CUTC: variants seen among roughly 807,000 people sequenced by gnomAD.
The protein encoded by CUTC is cutC copper transporter.
In CUTC, 27 loss-of-function variants were observed where a neutral mutation model predicts 36.2. The observed-to-expected ratio is 0.75, with a 90% CI of 0.55 to 1.03. The LOEUF is 1.03. Ranked by LOEUF, CUTC falls within the 50% of genes least tolerant of loss-of-function variation. The pLI is 0.00. For synonymous variants in CUTC, 114 were observed against 118.3 expected (o/e 0.96, Z 0.24); for missense variants, 315 against 343.5 (o/e 0.92, Z 0.66).
At chr10:99,733,315 AT>A (rs1242894999) in intron 1 of CUTC, among the ~76,000 whole-genome samples, 2 of 150,652 alleles carry the variant, frequency 1.3e-5, no homozygotes, top group African/African-American at 2.4e-5. Context: ...TCTCAAAAAA[AT>A]AAAAATAAAA....
At chr10:99,748,861 T>G (rs890541199) in intron 6 of CUTC, among the ~76,000 whole-genome samples, 4 of 152,154 alleles carry the variant, frequency 2.6e-5, no homozygotes, top group African/African-American at 9.7e-5. Flanking sequence ...AAAGCAAGCA[T>G]AACTTAAAAC....
intron 1 of CUTC, among the ~76,000 whole-genome samples, chr10:99,734,828 C>G (rs1773220620): frequency 6.6e-6 from 1 of 152,086 alleles, no homozygotes; most frequent in South Asian, 2.1e-4. Context: ...GGAGGCCAGA[C>G]GTGGTGGCTC....
chr10:99,735,704 G>T (rs777734886), intron 1 of CUTC, among the ~76,000 whole-genome samples: 2 of 152,094 alleles, frequency 1.3e-5, no homozygotes, highest in African/African-American at 4.8e-5. Context: ...CATCACACCC[G>T]GCCAGATAAC....
At chr10:99,749,491 C>T (rs142631113) in intron 6 of CUTC, among the ~76,000 whole-genome samples, 1 of 152,140 alleles carries the variant, frequency 6.6e-6, no homozygotes, top group East Asian at 1.9e-4. Flanking sequence ...TCTAAATAAT[C>T]TTGTATGGAA....
intron 1 of CUTC, among the ~76,000 whole-genome samples, chr10:99,733,576 G>A (rs1460981550): frequency 6.6e-6 from 1 of 152,052 alleles, no homozygotes; most frequent in Non-Finnish European, 1.5e-5. Flanking sequence ...GGAGGTTGCA[G>A]TAAGCCGAGA....
chr10:99,750,012 A>G (rs1436955461), intron 6 of CUTC, among the ~76,000 whole-genome samples: 2 of 152,096 alleles, frequency 1.3e-5, no homozygotes, highest in Non-Finnish European at 2.9e-5. Flanking sequence ...GTAAAAAGAG[A>G]TTTTATCACA....
intron 2 of CUTC, among the ~76,000 whole-genome samples, chr10:99,739,060 A>G (rs1050687598): frequency 3.3e-5 from 5 of 152,190 alleles, no homozygotes; most frequent in African/African-American, 1.2e-4. Context: ...TTTTTAGAAT[A>G]ATGAATTTGT....
intron 2 of CUTC, among the ~76,000 whole-genome samples, chr10:99,736,575 A>C (rs1376371167): frequency 2.6e-5 from 4 of 152,150 alleles, no homozygotes; most frequent in African/African-American, 9.7e-5. Flanking sequence ...CAAAATTTTA[A>C]TTTTTTTAAA....
At chr10:99,755,380 G>GAAAAAAAAAAAAA (rs386372234) in intron 8 of CUTC, among the ~76,000 whole-genome samples, 1 of 122,004 alleles carries the variant, frequency 8.2e-6, no homozygotes. Flanking sequence ...ATTTAAAAAG[G>GAAAAAAAAAAAAA]AAAAAAAAAA....
At chr10:99,749,004 G>T (rs1247011802) in intron 6 of CUTC, among the ~76,000 whole-genome samples, 1 of 152,144 alleles carries the variant, frequency 6.6e-6, no homozygotes, top group African/African-American at 2.4e-5. Flanking sequence ...TGATGAGTCA[G>T]GTTTCCAGTT....
intron 8 of CUTC, 21 bp from the exon 9 acceptor site, chr10:99,755,604 C>T (rs370657112): frequency 4.3e-5 from 64 of 1,482,712 alleles, no homozygotes; most frequent in Non-Finnish European, 7.5e-6. Flanking sequence ...ATTATCTGTT[C>T]CTTTATTATT....
chr10:99,754,554 A>C lies in CUTC; in HGVS notation c.627A>C (p.Leu209=). The part of the protein sequence containing the change: ...MPGGGITDRN[L]QRILEGSGAT... ...GAGGTGGTATAACAGACAGAAATCT[A>C]CAAAGGATCCTTGAGGGTTCAGGTG... The change falls in exon 8 of 9, where the codon CTA becomes CTC. Residue 209 remains leucine (L), a synonymous_variant. Transcript: ENST00000370476. 6.2e-7 allele frequency: 1 copy of C among 1,613,324 alleles called. No homozygotes were observed. Among genetic ancestry groups the C allele is most frequent in the East Asian group, 2.2e-5 (1 of 44,836 alleles).
intron 5 of CUTC, among the ~76,000 whole-genome samples, chr10:99,745,423 C>T (rs1469776198): frequency 1.3e-5 from 2 of 152,182 alleles, no homozygotes; most frequent in African/African-American, 4.8e-5. Flanking sequence ...CCCAGAGGAC[C>T]ACTACCACCT....
intron 6 of CUTC, among the ~76,000 whole-genome samples, 184 bp downstream of exon 6, chr10:99,747,574 T>C (rs753072872): frequency 6.6e-5 from 10 of 152,258 alleles, no homozygotes; most frequent in Non-Finnish European, 1.5e-4. Context: ...TAACCAAGGC[T>C]TTCAAGATCA....
intron 3 of CUTC, among the ~76,000 whole-genome samples, chr10:99,739,973 G>A (rs755611834): frequency 3.3e-5 from 5 of 152,178 alleles, no homozygotes; most frequent in Non-Finnish European, 7.3e-5. Context: ...AGGTAGGTAG[G>A]TAATTGTTAA....
At chr10:99,738,971 G>A (rs1410326385) in intron 2 of CUTC, among the ~76,000 whole-genome samples, 4 of 152,174 alleles carry the variant, frequency 2.6e-5, no homozygotes, top group African/African-American at 9.6e-5. Context: ...CTCATCCTCT[G>A]TTTGGTTATG....
At chr10:99,741,402 C>G (rs990134628) in intron 3 of CUTC, among the ~76,000 whole-genome samples, 1 of 152,040 alleles carries the variant, frequency 6.6e-6, no homozygotes, top group South Asian at 2.1e-4. Context: ...TGGTTCTGTC[C>G]CAGGCCTTGC....
At chr10:99,732,612 GT>G in intron 1 of CUTC, 1 of 1,426,142 alleles carries the variant, frequency 7.0e-7, no homozygotes. Context: ...TGGCTCAGCT[GT>G]GGAGCCAAGG....
rs1386174910 is a variant in CUTC, at chr10:99,756,031, G to C, written c.*292G>C. On this transcript the variant is annotated 3_prime_UTR_variant, in exon 9 of 9. Coordinates refer to ENST00000370476, the MANE Select transcript of CUTC (RefSeq NM_015960.3). ...TTCAGTGGAATTAATTGATGAACTG[G>C]GAAAATTTTAACTGCATGGTATGAA... The C allele has an allele frequency of 6.7e-6, 2 of 297,066 alleles. No homozygotes were observed. The highest frequency in any genetic ancestry group is 2.2e-5 in the African/African-American group (1 of 46,018). The allele number at this position is 297,066 out of a possible 1,614,324, so 18.4% of individuals were successfully genotyped here.
Sources: gnomAD v4.1 joint callset for allele counts (sites outside exome capture counted in the v4.1 genomes callset) on GRCh38, gnomAD v4.1.1 for gene constraint, MANE v1.5 for transcripts, NCBI Gene and HGNC (gene_info 2026-07-23, HGNC 2026-07-21) for gene names.